KDM4C: variants seen among roughly 807,000 people sequenced by gnomAD.
KDM4C encodes lysine demethylase 4C.
In KDM4C, 81 loss-of-function variants were observed where a neutral mutation model predicts 129.3. The observed-to-expected ratio is 0.63, with a 90% CI of 0.52 to 0.75. The LOEUF is 0.75. Ranked by LOEUF, KDM4C falls within the 30% of genes least tolerant of loss-of-function variation. KDM4C has a pLI of 0.00. For synonymous variants in KDM4C, 573 were observed against 456.1 expected, an observed-to-expected ratio of 1.26 and a Z score of -3.26; for missense variants, 1,457 against 1,304.0, an observed-to-expected ratio of 1.12 and a Z score of -1.81.
chr9:6,986,531 C>G lies in KDM4C; in HGVS notation c.1542C>G (p.Cys514Trp), dbSNP rs758108241. Reference protein sequence around the residue: ...ELSWPKSPESCSSVAESNGVL... With the variant: ...ELSWPKSPESWSSVAESNGVL... ...CATGGCCAAAGTCACCTGAGTCATGCTCATCAGTGGCAGAGAGTAATGGTG... is the reference window on the plus strand; with the variant it reads ...CATGGCCAAAGTCACCTGAGTCATGGTCATCAGTGGCAGAGAGTAATGGTG... The change falls in exon 11 of 22, where the codon TGC becomes TGG. Residue 514 changes from cysteine (C) to tryptophan (W), a missense_variant. Cys to Trp is a radical substitution (Grantham distance 215). Coordinates refer to ENST00000381309, the MANE Select transcript of KDM4C (RefSeq NM_015061.6). 2 of 1,614,046 alleles carry G rather than the reference C, an allele frequency of 1.2e-6. No individual in the cohort carries two copies. The highest frequency in any genetic ancestry group is 1.7e-6 in the Non-Finnish European group (2 of 1,179,988).
intron 19 of KDM4C, among the ~76,000 whole-genome samples, chr9:7,139,801 G>A (rs1338474328): frequency 6.6e-6 from 1 of 152,164 alleles, no homozygotes; most frequent in Non-Finnish European, 1.5e-5. Context: ...AGTGGTAGTT[G>A]TCTGTATGAG....
intron 15 of KDM4C, among the ~76,000 whole-genome samples, chr9:7,020,913 C>CT (rs34853871): frequency 0.22 from 30,662 of 141,608 alleles, 5,332 homozygotes; most frequent in African/African-American, 0.47. Context: ...ATTCATTTTC[C>CT]TTTTTTTTTT....
At chr9:6,768,764 T>C (rs1821151795) in intron 1 of KDM4C, among the ~76,000 whole-genome samples, 1 of 152,078 alleles carries the variant, frequency 6.6e-6, no homozygotes, top group Non-Finnish European at 1.5e-5. Flanking sequence ...ATCTTGACAC[T>C]TTTTGTTTTT....
At chr9:6,800,180 C>G (rs1445962132) in intron 2 of KDM4C, among the ~76,000 whole-genome samples, 1 of 152,054 alleles carries the variant, frequency 6.6e-6, no homozygotes, top group Non-Finnish European at 1.5e-5. Context: ...CCAACCTGGA[C>G]AAATGGTGAA....
chr9:7,057,312 A>T (rs1225865901), intron 17 of KDM4C, among the ~76,000 whole-genome samples: 1 of 152,252 alleles, frequency 6.6e-6, no homozygotes, highest in African/African-American at 2.4e-5. Flanking sequence ...CACAGATACT[A>T]GGACTGTTTT....
intron 21 of KDM4C, among the ~76,000 whole-genome samples, chr9:7,171,419 A>G (rs1037371782): frequency 1.3e-5 from 2 of 152,204 alleles, no homozygotes; most frequent in Non-Finnish European, 2.9e-5. Context: ...TGTTAGAGAT[A>G]GCTTCGTCTC....
intron 12 of KDM4C, among the ~76,000 whole-genome samples, chr9:7,008,473 C>T (rs1822086164): frequency 1.3e-5 from 2 of 152,190 alleles, no homozygotes; most frequent in South Asian, 4.1e-4. Context: ...CCCACAGACC[C>T]AGGCTCCAAG....
rs1043535402 is a variant in KDM4C, at chr9:6,758,258, C to T, written c.-18+55C>T. On this transcript the variant is annotated intron_variant, in intron 1 of 21. Coordinates refer to ENST00000381309, the MANE Select transcript of KDM4C (RefSeq NM_015061.6). The surrounding 1 kb of genome is among the most constrained non-coding windows in gnomAD (Gnocchi z 4.6). Reference sequence around the variant, plus strand: ...GGGCGGGGGGAGGGTCCGGAGAGGTCTTCCCGGCACTGCCCCCCTCCGCGT... The same window carrying T: ...GGGCGGGGGGAGGGTCCGGAGAGGTTTTCCCGGCACTGCCCCCCTCCGCGT... 4.4e-5 allele frequency: 42 copies of T among 946,050 alleles called. No individual in the cohort carries two copies. The highest frequency in any genetic ancestry group is 4.8e-5 in the Non-Finnish European group (38 of 794,156). The allele number at this position is 946,050 out of a possible 1,614,324, so 58.6% of individuals were successfully genotyped here.
At chr9:6,791,192 A>G (rs1826528941) in intron 1 of KDM4C, among the ~76,000 whole-genome samples, 1 of 152,124 alleles carries the variant, frequency 6.6e-6, no homozygotes, top group African/African-American at 2.4e-5. Flanking sequence ...GCTTACTGCA[A>G]CTTCTACCTC....
chr9:7,038,402 C>A (rs1342137649), intron 15 of KDM4C, among the ~76,000 whole-genome samples: 1 of 152,004 alleles, frequency 6.6e-6, no homozygotes, highest in Non-Finnish European at 1.5e-5. Flanking sequence ...CTGTATGGGA[C>A]CCAAATGATA....
intron 1 of KDM4C, among the ~76,000 whole-genome samples, chr9:6,726,132 G>C (rs1412084214): frequency 6.6e-6 from 1 of 151,528 alleles, no homozygotes; most frequent in African/African-American, 2.4e-5. Context: ...TTTCGCCGTC[G>C]CGGCCAGACT....
chr9:6,827,085 A>G (rs958722748), intron 4 of KDM4C, among the ~76,000 whole-genome samples: 1 of 152,172 alleles, frequency 6.6e-6, no homozygotes, highest in Non-Finnish European at 1.5e-5. Flanking sequence ...GGCACCTTGC[A>G]CAGACACCCA....
chr9:7,078,741 T>A (rs1309831688), intron 17 of KDM4C, among the ~76,000 whole-genome samples: 1 of 152,248 alleles, frequency 6.6e-6, no homozygotes, highest in Non-Finnish European at 1.5e-5. Flanking sequence ...CTGAAATATC[T>A]ATATTTACAA....
intron 7 of KDM4C, among the ~76,000 whole-genome samples, chr9:6,891,877 G>C (rs926665412): frequency 6.6e-6 from 1 of 151,908 alleles, no homozygotes; most frequent in Non-Finnish European, 1.5e-5. Context: ...GAAAATAGGG[G>C]CATGGGATAT....
intron 4 of KDM4C, among the ~76,000 whole-genome samples, chr9:6,817,955 C>T (rs926397031): frequency 6.6e-6 from 1 of 151,754 alleles, no homozygotes; most frequent in South Asian, 2.1e-4. Context: ...TTAGTAGAGA[C>T]GGGGTTTCAC....
intron 8 of KDM4C, among the ~76,000 whole-genome samples, chr9:6,905,144 A>G (rs1044488418): frequency 6.6e-6 from 1 of 152,244 alleles, no homozygotes. Context: ...TATATTAAAA[A>G]ATTAAATGCA....
intron 8 of KDM4C, among the ~76,000 whole-genome samples, chr9:6,903,611 A>G (rs1817775901): frequency 6.6e-6 from 1 of 152,364 alleles, no homozygotes; most frequent in East Asian, 1.9e-4. Flanking sequence ...CAGTGAAAAT[A>G]GAATTGTAAC....
chr9:6,740,026 A>C (rs987671500), intron 1 of KDM4C, among the ~76,000 whole-genome samples: 1 of 151,774 alleles, frequency 6.6e-6, no homozygotes, highest in African/African-American at 2.4e-5. Context: ...AGCAGCTGGG[A>C]CTACAGGCGC....
chr9:7,082,248 C>G (rs1481208542), intron 17 of KDM4C, among the ~76,000 whole-genome samples: 1 of 152,116 alleles, frequency 6.6e-6, no homozygotes, highest in Non-Finnish European at 1.5e-5. Context: ...CCACCTTAGC[C>G]CACCAGAATG....
Sources: gnomAD v4.1 joint callset for allele counts (sites outside exome capture counted in the v4.1 genomes callset) on GRCh38, gnomAD v4.1.1 for gene constraint, Gnocchi (gnomAD v3.1) non-coding constraint, MANE v1.5 for transcripts, NCBI Gene and HGNC (gene_info 2026-07-23, HGNC 2026-07-21) for gene names.